PLEKHA6: variants seen among roughly 807,000 people sequenced by gnomAD.
PLEKHA6 encodes the protein pleckstrin homology domain containing A6.
PLEKHA6 carries 60 observed loss-of-function variants against 116.7 expected under a neutral mutation model. The observed-to-expected ratio is 0.51, with a 90% CI of 0.42 to 0.64. PLEKHA6 has a LOEUF of 0.64. PLEKHA6 is among the 30% of genes least tolerant of loss of function. The pLI is 0.00. For missense variants in PLEKHA6, 1,338 were observed against 1,422.7 expected (o/e 0.94, Z 0.96); for synonymous variants, 489 against 556.1 (o/e 0.88, Z 1.70).
chr1:204,257,249 C>T lies in PLEKHA6; in HGVS notation c.1524+104G>A. On this transcript the variant is annotated intron_variant, in intron 9 of 22. Transcript: ENST00000272203. The surrounding 1 kb of genome is among the most constrained non-coding windows in gnomAD (Gnocchi z 6.5). The stretch of plus-strand genomic sequence containing the variant: ...TCCTGCAGACAAACGGCCCAGTGGC[C>T]CCGTGGCACAGATGCTCCCACATCT... The T allele has an allele frequency of 1.8e-6, 2 of 1,125,550 alleles. No individual in the cohort carries two copies. The highest frequency in any genetic ancestry group is 2.6e-6 in the Non-Finnish European group (2 of 776,456). The allele number at this position is 1,125,550 out of a possible 1,614,324, so 69.7% of individuals were successfully genotyped here.
At chr1:204,355,499 G>T (rs560079120) in intron 1 of PLEKHA6, among the ~76,000 whole-genome samples, 2 of 152,262 alleles carry the variant, frequency 1.3e-5, no homozygotes, top group Non-Finnish European at 2.9e-5. Flanking sequence ...GAGTACAGTG[G>T]CACGATCTCG....
intron 1 of PLEKHA6, chr1:204,276,892 A>T (rs993003018): frequency 6.6e-6 from 1 of 152,518 alleles, no homozygotes; most frequent in Non-Finnish European, 1.5e-5. Context: ...AGGTCATCTC[A>T]AGCAGACCCC....
chr1:204,325,986 G>A lies in PLEKHA6; in HGVS notation c.-95+33708C>T, dbSNP rs1270713636. 3.8e-6 allele frequency: 3 copies of A among 781,916 alleles called. No homozygotes were observed. The African/African-American group carries it at 5.6e-5, about 15-fold the overall frequency. The allele number at this position is 781,916 out of a possible 1,614,324, so 48.4% of individuals were successfully genotyped here. On this transcript the variant is annotated intron_variant, in intron 1 of 22. Transcript: ENST00000272203. The stretch of plus-strand genomic sequence containing the variant: ...GGCAGAGTCCCTCTGCCCACAGCAA[G>A]CCCCATTCCTCACCCTGCCCAGCCG...
Position 204,259,562 on chromosome 1 carries a change from T to C in PLEKHA6, c.703A>G (p.Lys235Glu), listed in dbSNP as rs750766785. The stretch of plus-strand genomic sequence containing the variant: ...GGTCCAGCTGGGAGGCCATTGGCTT[T>C]CACCGGAGGCTCTTTCTTGACTTCT... ...RPEVKKEPPVKANGLPAGPEP... is the reference protein window; with the variant it reads ...RPEVKKEPPVEANGLPAGPEP... The change falls in exon 8 of 23, where the codon AAA becomes GAA. Residue 235 changes from lysine to glutamate, a missense_variant. By Grantham distance (56) the Lys-to-Glu change is moderately conservative. Coordinates refer to ENST00000272203, the MANE Select transcript of PLEKHA6 (RefSeq NM_014935.5). The surrounding 1 kb of genome is among the most constrained non-coding windows in gnomAD (Gnocchi z 4.6). The C allele has an allele frequency of 5.8e-5, 93 of 1,613,994 alleles. No homozygotes were observed. Among genetic ancestry groups the C allele is most frequent in the Non-Finnish European group, 7.6e-5 (90 of 1,180,054 alleles).
At chr1:204,351,010 G>A (rs1673260444) in intron 1 of PLEKHA6, among the ~76,000 whole-genome samples, 1 of 152,178 alleles carries the variant, frequency 6.6e-6, no homozygotes, top group South Asian at 2.1e-4. Context: ...ACTTCCCCCA[G>A]CTCACCACCC....
At chr1:204,281,195 G>A (rs1668556663) in intron 1 of PLEKHA6, 1 of 153,358 alleles carries the variant, frequency 6.5e-6, no homozygotes, top group South Asian at 2.1e-4. Context: ...AAAAACAACA[G>A]AGCAAGGCCC....
At chr1:204,316,428 G>A (rs185582574) in intron 1 of PLEKHA6, among the ~76,000 whole-genome samples, 1 of 152,330 alleles carries the variant, frequency 6.6e-6, no homozygotes, top group East Asian at 1.9e-4. Flanking sequence ...GGACACGGGA[G>A]AAATGCTTTC....
intron 10 of PLEKHA6, among the ~76,000 whole-genome samples, chr1:204,249,776 C>A (rs1021553039): frequency 1.3e-5 from 2 of 152,166 alleles, no homozygotes; most frequent in Admixed American, 1.3e-4. Flanking sequence ...CAGGAAGGAT[C>A]CTCTCCCAGT....
intron 9 of PLEKHA6, among the ~76,000 whole-genome samples, chr1:204,252,905 C>T (rs1183535554): frequency 6.6e-6 from 1 of 152,254 alleles, no homozygotes; most frequent in Non-Finnish European, 1.5e-5. Context: ...CCTTCCCCAA[C>T]ACGCAGATCC....
intron 3 of PLEKHA6, among the ~76,000 whole-genome samples, chr1:204,270,294 G>A (rs866025048): frequency 4.6e-5 from 7 of 151,552 alleles, no homozygotes; most frequent in Non-Finnish European, 7.4e-5. Context: ...TTTTTACATC[G>A]TGCCTGTGTT....
At chr1:204,369,839 C>T (rs953846470) in intron 2 of PLEKHA6, 4 of 152,222 alleles carry the variant, frequency 2.6e-5, no homozygotes, top group Admixed American at 6.5e-5. Flanking sequence ...GGTGACACCA[C>T]CATCAACCTG....
rs764151253 is a variant in PLEKHA6, at chr1:204,259,477, C to G, written c.788G>C (p.Gly263Ala). 5.6e-6 allele frequency: 9 copies of G among 1,614,216 alleles called. No homozygotes were observed. In the South Asian group the frequency reaches 9.9e-5, roughly 18 times the overall value. ...YPEGPRVPGG[G>A]EQPAQPNGWQ... Reference sequence around the variant, plus strand: ...GCCATTGGGCTGGGCAGGCTGTTCCCCACCCCCTGGCACTCTTGGGCCCTC... The same window carrying G: ...GCCATTGGGCTGGGCAGGCTGTTCCGCACCCCCTGGCACTCTTGGGCCCTC... Residue 263 changes from glycine to alanine, a missense_variant, in exon 8 of 23, where the codon GGG becomes GCG. This residue lies in a region of PLEKHA6 where 1,136 missense variants were observed against 1,163.6 expected (regional missense o/e 0.98). Coordinates refer to ENST00000272203, the MANE Select transcript of PLEKHA6 (RefSeq NM_014935.5). This position sits in a 1 kb window ranked among gnomAD's most constrained non-coding sequence, Gnocchi z 4.6.
intron 9 of PLEKHA6, chr1:204,255,791 A>G (rs1207760437): frequency 6.0e-6 from 4 of 665,680 alleles, no homozygotes; most frequent in South Asian, 3.3e-5. Context: ...GACAAGGACA[A>G]GGAGAGGCTT....
chr1:204,257,465 T>C lies in PLEKHA6; in HGVS notation c.1412A>G (p.Tyr471Cys). The C allele has an allele frequency of 1.3e-6, 2 of 1,572,864 alleles. No individual in the cohort carries two copies. Among genetic ancestry groups the C allele is most frequent in the Non-Finnish European group, 1.7e-6 (2 of 1,157,970 alleles). ...GGCACTGGGTGAGCGGACAGGGGAG[T>C]AAATGCGGGCACGGCTGTAGGAGCC... is the stretch of plus-strand genomic sequence containing the variant. ...SQGSYSRARI[Y>C]SPVRSPSARF... is the part of the protein sequence containing the mutation. Residue 471 changes from tyrosine to cysteine, a missense_variant, in exon 9 of 23, where the codon TAC becomes TGC. Physicochemically the swap from Tyr to Cys is radical, Grantham distance 194. Around this residue, in one of 3 missense-constraint regions of PLEKHA6, gnomAD observed 1,136 missense variants for 1,163.6 expected, o/e 0.98. Coordinates refer to ENST00000272203, the MANE Select transcript of PLEKHA6 (RefSeq NM_014935.5). The surrounding 1 kb of genome is among the most constrained non-coding windows in gnomAD (Gnocchi z 6.5).
chr1:204,309,970 C>T (rs72752011), intron 1 of PLEKHA6, among the ~76,000 whole-genome samples: 3,929 of 152,190 alleles, frequency 0.026, 60 homozygotes, highest in Middle Eastern at 0.088. Context: ...TTCAATAAAA[C>T]TCTACTTGTG....
chr1:204,234,118 T>C (rs1277601260), intron 17 of PLEKHA6, among the ~76,000 whole-genome samples: 1 of 152,128 alleles, frequency 6.6e-6, no homozygotes, highest in Non-Finnish European at 1.5e-5. Context: ...GATGAGATAA[T>C]CCTGGATGAG....
intron 1 of PLEKHA6, among the ~76,000 whole-genome samples, chr1:204,289,343 C>T (rs1669514349): frequency 6.6e-6 from 1 of 152,214 alleles, no homozygotes; most frequent in African/African-American, 2.4e-5. Context: ...ATAGCCCCTT[C>T]TCCTTTCAGG....
In PLEKHA6 at chr1:204,257,278, C is replaced by A; in HGVS notation, c.1524+75G>T. ...TGGCACAGATGCTCCCACATCTCTG[C>A]CTTTTCTCAGTAGATGGTCTTAGGC... On this transcript the variant is annotated intron_variant, in intron 9 of 22. Transcript: ENST00000272203. This position sits in a 1 kb window ranked among gnomAD's most constrained non-coding sequence, Gnocchi z 6.5. 1 of 1,396,110 alleles carries A rather than the reference C, an allele frequency of 7.2e-7. No individual in the cohort carries two copies. The highest frequency in any genetic ancestry group is 9.9e-7 in the Non-Finnish European group (1 of 1,011,294). The allele number at this position is 1,396,110 out of a possible 1,614,324, so 86.5% of individuals were successfully genotyped here. A position where few individuals can be genotyped will look rare whatever the true frequency, so the allele number is the denominator to read the frequency against.
intron 21 of PLEKHA6, among the ~76,000 whole-genome samples, chr1:204,226,055 C>T (rs530630061): frequency 5.6e-4 from 86 of 152,344 alleles, no homozygotes; most frequent in Admixed American, 9.1e-4. Context: ...ACCCGCTGCA[C>T]GCTGTGCTCA....
Sources: gnomAD v4.1 joint callset for allele counts (sites outside exome capture counted in the v4.1 genomes callset) on GRCh38, gnomAD v4.1.1 for gene constraint, gnomAD v4.1.1 regional missense constraint, Gnocchi (gnomAD v3.1) non-coding constraint, MANE v1.5 for transcripts, NCBI Gene and HGNC (gene_info 2026-07-23, HGNC 2026-07-21) for gene names.